The following WDR88 variants were observed in gnomAD, a reference collection of about 807,000 sequenced individuals.
WDR88 encodes WD repeat domain 88.
In WDR88, 40 loss-of-function variants were observed where a neutral mutation model predicts 46.8. The observed-to-expected ratio is 0.86, with a 90% CI of 0.66 to 1.11. WDR88 has a LOEUF of 1.11. Among genes scored for constraint, WDR88 ranks in the 50% most tolerant of loss-of-function variants. WDR88 has a pLI of 0.00. For missense variants in WDR88, 562 were observed against 602.4 expected, an observed-to-expected ratio of 0.93 and a Z score of 0.70; for synonymous variants, 235 against 240.7, an observed-to-expected ratio of 0.98 and a Z score of 0.22.
chr19:33,144,958 G>A (rs755629832), intron 3 of WDR88, 26 bp downstream of exon 3: 2 of 1,603,448 alleles, frequency 1.2e-6, no homozygotes, highest in South Asian at 2.2e-5. Context: ...TCTTACACTG[G>A]GAAGAGGGAG....
chr19:33,163,557 A>G (rs781645278), intron 8 of WDR88, among the ~76,000 whole-genome samples: 14 of 152,162 alleles, frequency 9.2e-5, no homozygotes, highest in Non-Finnish European at 1.9e-4. Flanking sequence ...GAATGTACAT[A>G]TATCACATGT....
intron 10 of WDR88, chr19:33,174,837 C>T (rs948210050): frequency 1.0e-6 from 1 of 984,904 alleles, no homozygotes; most frequent in Non-Finnish European, 1.2e-6. Context: ...TGGCAGGAGA[C>T]ATGAGCTGGC....
chr19:33,154,491 T>C (rs1973697323), intron 6 of WDR88, among the ~76,000 whole-genome samples: 1 of 152,186 alleles, frequency 6.6e-6, no homozygotes, highest in Non-Finnish European at 1.5e-5. Flanking sequence ...CTTCTGTTCC[T>C]GTGTTAGTTT....
intron 9 of WDR88, among the ~76,000 whole-genome samples, chr19:33,166,282 CA>C (rs34053341): frequency 0.26 from 14,320 of 55,594 alleles, 809 homozygotes; most frequent in African/African-American, 0.37. Context: ...GTTGTGGTCT[CA>C]AAAAAAAAAA....
intron 10 of WDR88, chr19:33,174,107 C>A: frequency 6.7e-7 from 1 of 1,495,348 alleles, no homozygotes; most frequent in Non-Finnish European, 9.0e-7. Context: ...CCGCCTCAGC[C>A]TCCCAAAGTG....
chr19:33,137,883 CT>C, intron 2 of WDR88, 96 bp downstream of exon 2: 3 of 997,274 alleles, frequency 3.0e-6, no homozygotes, highest in Non-Finnish European at 4.5e-6. Flanking sequence ...CTCACAGGCA[CT>C]TGTGGGTCCT....
chr19:33,172,522 G>C, intron 10 of WDR88, 82 bp downstream of exon 10: 1 of 1,226,164 alleles, frequency 8.2e-7, no homozygotes, highest in Non-Finnish European at 1.2e-6. Flanking sequence ...AATGAACTTT[G>C]GGCACCTGGA....
chr19:33,142,993 C>CCTGG (rs1156389397), intron 2 of WDR88, among the ~76,000 whole-genome samples: 1 of 151,544 alleles, frequency 6.6e-6, no homozygotes, highest in African/African-American at 2.4e-5. Flanking sequence ...CTCCCTTGCC[C>CCTGG]CTGGGGTCTC....
chr19:33,148,807 T>C lies in WDR88; in HGVS notation c.576T>C (p.Cys192=). 6.2e-7 allele frequency: 1 copy of C among 1,614,160 alleles called. No individual in the cohort carries two copies. The highest frequency in any genetic ancestry group is 8.5e-7 in the Non-Finnish European group (1 of 1,180,024). The part of the protein sequence containing the change: ...KVRYDTFIVS[C]KFSPDGKYVV... Reference sequence around the variant, plus strand: ...GGTATGATACCTTCATCGTCTCCTGTAAGTTTTCTCCTGATGGTAAATACG... The same window carrying C: ...GGTATGATACCTTCATCGTCTCCTGCAAGTTTTCTCCTGATGGTAAATACG... Residue 192 remains cysteine, a synonymous_variant, in exon 5 of 11, where the codon TGT becomes TGC. Coordinates refer to ENST00000355868, the MANE Select transcript of WDR88 (RefSeq NM_173479.4).
rs1354603872 is a variant in WDR88 at position 33,133,218 on chromosome 19, A to G, written c.276+773A>G. Among the ~76,000 whole-genome samples, 15 of 143,350 alleles carry G rather than the reference A, an allele frequency of 1.0e-4. No homozygotes were observed. In the Middle Eastern group the frequency reaches 0.018, roughly 176 times the overall value. The allele number at this position is 143,350 out of a possible 152,430, so 94.0% of individuals were successfully genotyped here. ...AAATATAGAGAGAGAGAGAGAAAGA[A>G]AGAAAGAAAAAGAAAAAGAAAGAAA... is the stretch of plus-strand genomic sequence containing the variant. On this transcript the variant is annotated intron_variant, in intron 1 of 10. Coordinates refer to ENST00000355868, the MANE Select transcript of WDR88 (RefSeq NM_173479.4).
intron 8 of WDR88, among the ~76,000 whole-genome samples, chr19:33,161,249 G>C (rs1428077577): frequency 1.3e-5 from 2 of 152,124 alleles, no homozygotes; most frequent in African/African-American, 4.8e-5. Flanking sequence ...TGCACAGAAA[G>C]CTTGGGGTTC....
At chr19:33,136,483 G>T (rs373462436) in intron 1 of WDR88, among the ~76,000 whole-genome samples, 1 of 151,450 alleles carries the variant, frequency 6.6e-6, no homozygotes, top group Middle Eastern at 3.4e-3. Flanking sequence ...GAGCCACCGC[G>T]CCCGGCCACA....
At position 33,156,222 on chromosome 19, in the gene WDR88, C is replaced by G. The variant is rs1973731383; in HGVS notation, c.810-133C>G. 7 of 826,168 alleles carry G rather than the reference C, an allele frequency of 8.5e-6. No individual in the cohort carries two copies. In the East Asian group the frequency reaches 1.8e-4, roughly 22 times the overall value. The allele number at this position is 826,168 out of a possible 1,614,324, so 51.2% of individuals were successfully genotyped here. A position where few individuals can be genotyped will look rare whatever the true frequency, so the allele number is the denominator to read the frequency against. ...CCCCACTTAGGTATGTCTTCAGGTC[C>G]TCTTGGGGCGAAGTGCTAGCATGTG... is the stretch of plus-strand genomic sequence containing the variant. On this transcript the variant is annotated intron_variant, in intron 6 of 10. Transcript: ENST00000355868.
intron 2 of WDR88, among the ~76,000 whole-genome samples, chr19:33,138,729 GC>G (rs934703908): frequency 4.8e-5 from 7 of 146,008 alleles, no homozygotes; most frequent in Admixed American, 2.1e-4. Flanking sequence ...TGTCGCCCAG[GC>G]TGGAGTATAG....
intron 1 of WDR88, among the ~76,000 whole-genome samples, chr19:33,132,652 C>A (rs919067979): frequency 6.6e-6 from 1 of 151,992 alleles, no homozygotes; most frequent in African/African-American, 2.4e-5. Flanking sequence ...CCGGCGGGGG[C>A]TCCCCGCACT....
intron 2 of WDR88, among the ~76,000 whole-genome samples, chr19:33,139,706 A>G (rs1973350149): frequency 1.3e-5 from 2 of 152,092 alleles, no homozygotes; most frequent in African/African-American, 2.4e-5. Context: ...GTCAATCCCC[A>G]CTATTGTCTG....
intron 6 of WDR88, among the ~76,000 whole-genome samples, chr19:33,154,055 C>T (rs1358581895): frequency 2.0e-5 from 3 of 152,062 alleles, no homozygotes; most frequent in Non-Finnish European, 4.4e-5. Flanking sequence ...CCATCTTGTC[C>T]AGAACTGTAC....
intron 5 of WDR88, among the ~76,000 whole-genome samples, chr19:33,149,644 G>C (rs1272753924): frequency 6.6e-6 from 1 of 151,412 alleles, no homozygotes; most frequent in African/African-American, 2.4e-5. Context: ...CCCCTCACCC[G>C]GCCTACCTGT....
At chr19:33,149,248 G>C (rs146276614) in intron 5 of WDR88, among the ~76,000 whole-genome samples, 1 of 152,104 alleles carries the variant, frequency 6.6e-6, no homozygotes, top group African/African-American at 2.4e-5. Flanking sequence ...ACTTGAACCC[G>C]GAGGTGGAGA....
Sources: gnomAD v4.1 joint callset for allele counts (sites outside exome capture counted in the v4.1 genomes callset) on GRCh38, gnomAD v4.1.1 for gene constraint, MANE v1.5 for transcripts, NCBI Gene and HGNC (gene_info 2026-07-23, HGNC 2026-07-21) for gene names.